The following CELF2 variants were observed in gnomAD, a reference collection of about 807,000 sequenced individuals.
CELF2 encodes the protein CUGBP Elav-like family member 2, also known as CUG triplet repeat RNA-binding protein 2.
CELF2 carries 8 observed loss-of-function variants against 62.6 expected under a neutral mutation model. The observed-to-expected ratio is 0.13, with a 90% CI of 0.07 to 0.23. The LOEUF is 0.23. CELF2 is among the 10% of genes least tolerant of loss of function. The probability of loss-of-function intolerance (pLI) is 1.00; values close to 1 mark genes in which losing one functional copy is unlikely to be tolerated. For missense variants in CELF2, 333 were observed against 671.0 expected (o/e 0.50, Z 5.56); for synonymous variants, 258 against 250.0 (o/e 1.03, Z -0.30).
intron 4 of CELF2, among the ~76,000 whole-genome samples, chr10:11,250,145 T>C (rs1032228764): frequency 1.3e-5 from 2 of 152,234 alleles, no homozygotes; most frequent in African/African-American, 4.8e-5. Context: ...CTCCACAGAA[T>C]AGAAAGTTTT....
At chr10:10,785,442 A>G in the CELF2 span, among the ~76,000 whole-genome samples, 4 of 152,222 alleles carry the variant, frequency 2.6e-5, 1 homozygote, top group South Asian at 8.3e-4. Flanking sequence ...TTTCAGCTCA[A>G]TTCACAATAG....
Position 11,165,883 on chromosome 10 carries a change from G to A in CELF2, c.271+201G>A, listed in dbSNP as rs949855884. Among the ~76,000 whole-genome samples the A allele has an allele frequency of 1.3e-5, 2 of 152,214 alleles. No individual in the cohort carries two copies. Among genetic ancestry groups the A allele is most frequent in the Non-Finnish European group, 2.9e-5 (2 of 68,024 alleles). On this transcript the variant is annotated intron_variant, in intron 2 of 12. Coordinates refer to ENST00000633077, the MANE Select transcript of CELF2 (RefSeq NM_001326342.2). This position sits in a 1 kb window ranked among gnomAD's most constrained non-coding sequence, Gnocchi z 7.4. ...CCCGCCTGCCCGCCGGGACAGGTTG[G>A]AGGCGGGAGAGAGGGACCGAGGCAG...
the CELF2 span, among the ~76,000 whole-genome samples, chr10:10,744,991 C>G: frequency 1.3e-5 from 2 of 151,990 alleles, no homozygotes; most frequent in African/African-American, 4.8e-5. Context: ...ATAACCAGAG[C>G]TTTAAGGCTC....
the CELF2 span, among the ~76,000 whole-genome samples, chr10:10,630,808 T>C: frequency 1.5e-3 from 225 of 152,302 alleles, no homozygotes; most frequent in Non-Finnish European, 2.8e-3. Flanking sequence ...GTGGAAAATA[T>C]AGCTGCAAAT....
At chr10:10,790,762 T>C in the CELF2 span, among the ~76,000 whole-genome samples, 3 of 152,180 alleles carry the variant, frequency 2.0e-5, no homozygotes, top group African/African-American at 7.2e-5. Context: ...TGGAAAATAT[T>C]TATTTAAATC....
At chr10:10,822,804 A>G (rs533092660) in intron 1 of CELF2, among the ~76,000 whole-genome samples, 1 of 152,306 alleles carries the variant, frequency 6.6e-6, no homozygotes, top group African/African-American at 2.4e-5. Context: ...AGTAAAGAAA[A>G]TTGGATTATT....
chr10:11,089,247 A>G (rs2047646807), intron 1 of CELF2, among the ~76,000 whole-genome samples: 2 of 152,232 alleles, frequency 1.3e-5, no homozygotes, highest in African/African-American at 4.8e-5. Flanking sequence ...TGAAACACAC[A>G]GTAGGCCACA....
At position 11,305,011 on chromosome 10, in the gene CELF2, G is replaced by A. The variant is rs984162208; in HGVS notation, c.977-9128G>A. On this transcript the variant is annotated intron_variant, in intron 9 of 12. Coordinates refer to ENST00000633077, the MANE Select transcript of CELF2 (RefSeq NM_001326342.2). The surrounding 1 kb of genome is among the most constrained non-coding windows in gnomAD (Gnocchi z 4.8). ...TTTGAACAGAGAGAGAAGAGAGAAC[G>A]GGAATGCCTTTGTCAAACACGCATC... 5.9e-5 allele frequency among the ~76,000 whole-genome samples: 9 copies of A among 152,076 alleles called. No individual in the cohort carries two copies. Among genetic ancestry groups the A allele is most frequent in the Non-Finnish European group, 1.3e-4 (9 of 68,010 alleles).
intron 1 of CELF2, among the ~76,000 whole-genome samples, chr10:11,055,640 T>C (rs979942414): frequency 1.3e-5 from 2 of 152,242 alleles, no homozygotes; most frequent in Admixed American, 6.5e-5. Flanking sequence ...GTTTCTGAAG[T>C]GGAAAGACAT....
At chr10:10,713,191 C>A in the CELF2 span, among the ~76,000 whole-genome samples, 1 of 152,232 alleles carries the variant, frequency 6.6e-6, no homozygotes, top group African/African-American at 2.4e-5. Context: ...TCGTAACCTG[C>A]TAGAGCAGCC....
the CELF2 span, among the ~76,000 whole-genome samples, chr10:10,683,195 C>T: frequency 6.6e-6 from 1 of 152,196 alleles, no homozygotes; most frequent in Non-Finnish European, 1.5e-5. Flanking sequence ...AGAAGATACA[C>T]AGAAACTGAT....
chr10:11,101,041 C>A (rs2051463767), intron 1 of CELF2, among the ~76,000 whole-genome samples: 1 of 152,036 alleles, frequency 6.6e-6, no homozygotes, highest in Non-Finnish European at 1.5e-5. Flanking sequence ...AATCCTGTTT[C>A]TTTTATGGGT....
At chr10:10,904,846 A>G (rs775923164) in intron 1 of CELF2, among the ~76,000 whole-genome samples, 3 of 152,188 alleles carry the variant, frequency 2.0e-5, no homozygotes, top group Non-Finnish European at 2.9e-5. Flanking sequence ...AGAAAGTATC[A>G]ATTCCTGAGA....
At chr10:11,279,430 G>A (rs1565725907) in intron 8 of CELF2, among the ~76,000 whole-genome samples, 1 of 152,168 alleles carries the variant, frequency 6.6e-6, no homozygotes, top group Non-Finnish European at 1.5e-5. Flanking sequence ...GTGTATCGGA[G>A]GTCTGAGAAT....
the CELF2 span, among the ~76,000 whole-genome samples, chr10:10,506,018 C>G: frequency 6.6e-6 from 1 of 151,920 alleles, no homozygotes; most frequent in African/African-American, 2.4e-5. Context: ...TGTATATAGA[C>G]AAAGGAATAA....
intron 8 of CELF2, among the ~76,000 whole-genome samples, chr10:11,282,718 G>A (rs2089416627): frequency 6.6e-6 from 1 of 152,236 alleles, no homozygotes; most frequent in South Asian, 2.1e-4. Context: ...GGTGCAAACA[G>A]GTAACGAGCT....
At chr10:10,871,208 G>A (rs2095380324) in intron 1 of CELF2, among the ~76,000 whole-genome samples, 1 of 152,144 alleles carries the variant, frequency 6.6e-6, no homozygotes, top group African/African-American at 2.4e-5. Context: ...GCAAAGAAGG[G>A]TTCTTTTCTT....
chr10:10,606,242 C>CA, the CELF2 span, among the ~76,000 whole-genome samples: 7 of 151,986 alleles, frequency 4.6e-5, no homozygotes, highest in East Asian at 1.9e-4. Flanking sequence ...GTGTTTTACT[C>CA]AAAAAAACGT....
At position 10,814,817 on chromosome 10, in the gene CELF2, G is replaced by A. The variant is rs780599381; in HGVS notation, c.53+16000G>A. ...AATTATGCAACATGAGATGGGAGGT[G>A]GGAACAGAAGAACTCAGGAATTCGA... On this transcript the variant is annotated intron_variant, in intron 1 of 13. Transcript: ENST00000636488. 1.6e-4 allele frequency among the ~76,000 whole-genome samples: 24 copies of A among 152,130 alleles called. 1 individual carries two copies. The highest frequency in any genetic ancestry group is 3.2e-4 in the Non-Finnish European group (22 of 68,022).
Sources: gnomAD v4.1 joint callset for allele counts (sites outside exome capture counted in the v4.1 genomes callset) on GRCh38, gnomAD v4.1.1 for gene constraint, Gnocchi (gnomAD v3.1) non-coding constraint, MANE v1.5 for transcripts, NCBI Gene and HGNC (gene_info 2026-07-23, HGNC 2026-07-21) for gene names.